Variants in NAV1 observed in about 807,000 individuals in gnomAD.
The protein encoded by NAV1 is neuron navigator 1, also known as pore membrane and/or filament interacting like protein 3.
In NAV1, 18 loss-of-function variants were observed where a neutral mutation model predicts 175.2. The ratio of observed to expected loss-of-function variants is 0.10; its 90% CI spans 0.07 to 0.15. The LOEUF is 0.15. NAV1 is among the 10% of genes least tolerant of loss of function. The pLI, the probability that NAV1 is intolerant of heterozygous loss-of-function variation, is 1.00. For synonymous variants in NAV1, 897 were observed against 978.7 expected, an observed-to-expected ratio of 0.92 and a Z score of 1.56; for missense variants, 1,731 against 2,436.6, an observed-to-expected ratio of 0.71 and a Z score of 6.10.
In NAV1 at chr1:201,810,547, G is replaced by C. The variant is rs1396082474; in HGVS notation, c.4586G>C (p.Ser1529Thr). ...GGTCTGAAGGAGAAATGCGTCGACA[G>C]CCTGGTGTTCGAGACGCTGATCCCC... Residue 1529 changes from serine (S) to threonine (T), a missense_variant, in exon 24 of 30, where the codon AGC becomes ACC. By Grantham distance (58) the Ser-to-Thr change is moderately conservative (BLOSUM62 1). Coordinates refer to ENST00000367296, the Ensembl canonical transcript of NAV1. This position sits in a 1 kb window ranked among gnomAD's most constrained non-coding sequence, Gnocchi z 6.0. The C allele has an allele frequency of 6.2e-7, 1 of 1,612,302 alleles. No homozygotes were observed. The highest frequency in any genetic ancestry group is 1.1e-5 in the South Asian group (1 of 90,762).
chr1:201,783,665 C>T (rs546176659), exon 7 of NAV1: 48 of 1,614,200 alleles, frequency 3.0e-5, no homozygotes, highest in Middle Eastern at 3.3e-4. Flanking sequence ...AAAAGAGACC[C>T]GCATGTACCC....
intron 2 of NAV1, among the ~76,000 whole-genome samples, chr1:201,639,599 C>G (rs941530642): frequency 1.3e-5 from 2 of 152,200 alleles, no homozygotes; most frequent in African/African-American, 4.8e-5. Flanking sequence ...CCCTAGCCCC[C>G]TGACTTTCTA....
intron 2 of NAV1, among the ~76,000 whole-genome samples, chr1:201,604,705 G>C (rs1472264698): frequency 7.1e-6 from 1 of 140,094 alleles, no homozygotes; most frequent in Non-Finnish European, 1.6e-5. Flanking sequence ...GAAGAAGAAA[G>C]AAAGAGAAAG....
At chr1:201,783,884 G>C in intron 7 of NAV1, 32 bp downstream of exon 11, 1 of 1,561,798 alleles carries the variant, frequency 6.4e-7, no homozygotes, top group East Asian at 2.3e-5. Context: ...ACCTCGGCCT[G>C]TCTCCGTGTC....
intron 3 of NAV1, among the ~76,000 whole-genome samples, chr1:201,734,434 GGAA>G (rs141362084): frequency 0.012 from 1,430 of 122,378 alleles, 7 homozygotes; most frequent in Middle Eastern, 0.013. Flanking sequence ...AAGAAGAAGA[GGAA>G]GAAGAAGAAG....
At chr1:201,562,795 G>T (rs1666239411) in intron 1 of NAV1, among the ~76,000 whole-genome samples, 1 of 152,164 alleles carries the variant, frequency 6.6e-6, no homozygotes, top group Admixed American at 6.5e-5. Context: ...GAAGGGAGCA[G>T]GCAGGGAGGG....
intron 3 of NAV1, among the ~76,000 whole-genome samples, chr1:201,749,155 GAA>G (rs1210673104): frequency 2.6e-5 from 4 of 151,954 alleles, no homozygotes; most frequent in Non-Finnish European, 4.4e-5. Context: ...TTCAAAAAAA[GAA>G]AAAGACTCTC....
rs1215111059 is a variant in NAV1 at position 201,808,422 on chromosome 1, C to T, written c.3850C>T (p.Pro1284Ser). ...TTGACTCTTGCTATCTTACAGGGGCCCTGCTCACCCAGCCCCCCACACTAG... is the reference window on the plus strand; with the variant it reads ...TTGACTCTTGCTATCTTACAGGGGCTCTGCTCACCCAGCCCCCCACACTAG... The change falls in exon 19 of 30, where the codon CCT becomes TCT. Residue 1284 changes from proline to serine, a missense_variant. Physicochemically the swap from Pro to Ser is moderately conservative, Grantham distance 74 (BLOSUM62 -1). Coordinates refer to ENST00000367296, the Ensembl canonical transcript of NAV1. The surrounding 1 kb of genome is among the most constrained non-coding windows in gnomAD (Gnocchi z 5.5). 6.2e-7 allele frequency: 1 copy of T among 1,610,788 alleles called. No homozygotes were observed. Among genetic ancestry groups the T allele is most frequent in the South Asian group, 1.1e-5 (1 of 90,700 alleles).
chr1:201,692,550 T>A (rs549350483), intron 1 of NAV1, among the ~76,000 whole-genome samples: 2 of 152,348 alleles, frequency 1.3e-5, no homozygotes, highest in African/African-American at 4.8e-5. Flanking sequence ...GAGTTCCTGG[T>A]CTCCATTAAA....
chr1:201,728,545 G>A (rs1303581512), intron 3 of NAV1, among the ~76,000 whole-genome samples: 1 of 145,394 alleles, frequency 6.9e-6, no homozygotes, highest in Non-Finnish European at 1.5e-5. Flanking sequence ...AGTGAGCTGA[G>A]ATCATGCCAT....
At chr1:201,629,733 C>T (rs560319036) in intron 2 of NAV1, among the ~76,000 whole-genome samples, 1 of 152,290 alleles carries the variant, frequency 6.6e-6, no homozygotes, top group Admixed American at 6.5e-5. Flanking sequence ...CCAGGGGATG[C>T]CCAGGCTATG....
chr1:201,661,299 G>A (rs1268279100), intron 1 of NAV1, among the ~76,000 whole-genome samples: 1 of 152,176 alleles, frequency 6.6e-6, no homozygotes, highest in Non-Finnish European at 1.5e-5. Flanking sequence ...TTCCTCGAGA[G>A]TCAGTATCTG....
chr1:201,803,566 G>C, intron 15 of NAV1, 27 bp from the exon 20 acceptor site: 1 of 1,609,052 alleles, frequency 6.2e-7, no homozygotes, highest in East Asian at 2.2e-5. Context: ...TCTGTTCTAT[G>C]TTTTTCCCAC....
chr1:201,584,081 C>T (rs1460288008), intron 1 of NAV1, among the ~76,000 whole-genome samples: 1 of 152,238 alleles, frequency 6.6e-6, no homozygotes, highest in Non-Finnish European at 1.5e-5. Context: ...AGGACACTAG[C>T]ATTTATGGAA....
Position 201,808,985 on chromosome 1 carries a change from A to G in NAV1, c.4207+114A>G, listed in dbSNP as rs1678509185. The G allele has an allele frequency of 7.2e-7, 1 of 1,380,700 alleles. No individual in the cohort carries two copies. Among genetic ancestry groups the G allele is most frequent in the Admixed American group, 2.0e-5 (1 of 49,646 alleles). The allele number at this position is 1,380,700 out of a possible 1,614,324, so 85.5% of individuals were successfully genotyped here. A position where few individuals can be genotyped will look rare whatever the true frequency, so the allele number is the denominator to read the frequency against. On this transcript the variant is annotated intron_variant, in intron 20 of 29. Transcript: ENST00000367296. The surrounding 1 kb of genome is among the most constrained non-coding windows in gnomAD (Gnocchi z 5.5). ...CGGTAACAATGCCGAAGCCAAGCAGATGCCAGTGTCCTAAGACACTGAGTT... is the reference window on the plus strand; with the variant it reads ...CGGTAACAATGCCGAAGCCAAGCAGGTGCCAGTGTCCTAAGACACTGAGTT...
rs144908017 is a variant in NAV1, at chr1:201,735,498, G to A, written c.1226+16743G>A. The stretch of plus-strand genomic sequence containing the variant: ...TGCTGGTCTAGGAAAGGAGAGAAGC[G>A]CCCCACATTCATGCATGAGGAACTC... On this transcript the variant is annotated intron_variant, in intron 3 of 29. Coordinates refer to ENST00000367296, the Ensembl canonical transcript of NAV1. Among the ~76,000 whole-genome samples, 58 of 152,310 alleles carry A rather than the reference G, an allele frequency of 3.8e-4. 1 individual carries two copies. The highest frequency in any genetic ancestry group is 1.2e-3 in the African/African-American group (49 of 41,576).
chr1:201,789,407 G>A (rs72742030), intron 10 of NAV1, among the ~76,000 whole-genome samples: 9,746 of 152,188 alleles, frequency 0.064, 387 homozygotes, highest in South Asian at 0.11. Context: ...CTCTCCTGCG[G>A]CTAAGGTGCT....
intron 1 of NAV1, among the ~76,000 whole-genome samples, chr1:201,666,459 G>A (rs557700607): frequency 2.3e-4 from 35 of 152,290 alleles, no homozygotes; most frequent in African/African-American, 4.8e-5. Flanking sequence ...GAGGGCGGTC[G>A]AGCAACTGTC....
At chr1:201,729,607 T>C (rs1010746705) in intron 3 of NAV1, among the ~76,000 whole-genome samples, 2 of 141,840 alleles carry the variant, frequency 1.4e-5, no homozygotes, top group Non-Finnish European at 3.0e-5. Flanking sequence ...GACTCCATCT[T>C]AAAAAATAAC....
Sources: allele counts gnomAD v4.1 joint callset (sites outside exome capture counted in the v4.1 genomes callset), GRCh38; gene constraint gnomAD v4.1.1; non-coding constraint Gnocchi (gnomAD v3.1); transcripts MANE v1.5; gene names NCBI Gene and HGNC (gene_info 2026-07-23, HGNC 2026-07-21).